The following TYW1 variants were observed in gnomAD, a reference collection of about 807,000 sequenced individuals.
TYW1 encodes S-adenosyl-L-methionine-dependent tRNA 4-demethylwyosine synthase TYW1.
Under a neutral mutation model 96.2 loss-of-function variants are expected in TYW1, and 46 were observed. That is an observed-to-expected ratio of 0.48 (90% CI 0.38 to 0.61). The LOEUF (loss-of-function observed/expected upper bound fraction) is 0.61, where lower values mean the gene tolerates loss of function less well. TYW1 is among the 20% of genes least tolerant of loss of function. The pLI is 0.00. For synonymous variants in TYW1, 274 were observed against 323.0 expected (o/e 0.85, Z 1.63); for missense variants, 684 against 909.6 (o/e 0.75, Z 3.19).
chr7:67,049,836 C>T (rs766431550), intron 7 of TYW1, 113 bp from the exon 8 acceptor site: 54 of 1,326,710 alleles, frequency 4.1e-5, no homozygotes, highest in Middle Eastern at 1.9e-4. Context: ...CGTGAGCCAC[C>T]GTGCCCGGCC....
At chr7:67,156,446 A>G (rs552211407) in intron 13 of TYW1, among the ~76,000 whole-genome samples, 1 of 152,352 alleles carries the variant, frequency 6.6e-6, no homozygotes, top group African/African-American at 2.4e-5. Flanking sequence ...GTGCAGGTAC[A>G]TTGGCAGCCC....
intron 13 of TYW1, among the ~76,000 whole-genome samples, chr7:67,175,545 T>C (rs1799646159): frequency 1.3e-5 from 2 of 152,142 alleles, no homozygotes; most frequent in Non-Finnish European, 2.9e-5. Context: ...TAGAAGCAAA[T>C]ATTTTAAAGA....
At chr7:67,227,552 C>T (rs551619186) in intron 15 of TYW1, among the ~76,000 whole-genome samples, 113 of 152,238 alleles carry the variant, frequency 7.4e-4, no homozygotes, top group African/African-American at 2.5e-3. Context: ...CCACCAAACC[C>T]GGCCCCCACA....
intron 13 of TYW1, among the ~76,000 whole-genome samples, chr7:67,180,725 CT>C (rs1388672641): frequency 6.6e-6 from 1 of 152,054 alleles, no homozygotes; most frequent in African/African-American, 2.4e-5. Flanking sequence ...CCATTGCAAC[CT>C]CTGCCTCCCG....
chr7:67,022,085 T>A (rs186712858), intron 6 of TYW1, among the ~76,000 whole-genome samples: 1,873 of 151,802 alleles, frequency 0.012, 22 homozygotes, highest in Non-Finnish European at 0.02. Context: ...TAAGTTTTTT[T>A]AATTTTTTGT....
At chr7:67,205,723 G>A (rs937313205) in intron 15 of TYW1, among the ~76,000 whole-genome samples, 2 of 152,090 alleles carry the variant, frequency 1.3e-5, no homozygotes, top group African/African-American at 2.4e-5. Flanking sequence ...GTTGGTTATT[G>A]TCTAAAAATT....
intron 4 of TYW1, among the ~76,000 whole-genome samples, chr7:67,013,935 A>G (rs566605657): frequency 0.018 from 2,804 of 151,590 alleles, 36 homozygotes; most frequent in Non-Finnish European, 0.03. Flanking sequence ...AGTAGAGACG[A>G]GGTTTCACCG....
chr7:67,188,851 G>T (rs1018998833), intron 14 of TYW1, among the ~76,000 whole-genome samples: 1 of 152,116 alleles, frequency 6.6e-6, no homozygotes, highest in Non-Finnish European at 1.5e-5. Flanking sequence ...TGCAGATGCA[G>T]ACACAATGCT....
intron 15 of TYW1, among the ~76,000 whole-genome samples, chr7:67,221,199 G>C (rs1302305066): frequency 6.6e-6 from 1 of 152,144 alleles, no homozygotes. Context: ...GTTTATAATA[G>C]TTATATGTTC....
In TYW1 at chr7:66,996,900, C is replaced by T; in HGVS notation, c.-79C>T. 1.2e-6 allele frequency: 2 copies of T among 1,608,070 alleles called. No homozygotes were observed. Among genetic ancestry groups the T allele is most frequent in the South Asian group, 2.2e-5 (2 of 90,156 alleles). On this transcript the variant is annotated 5_prime_UTR_variant, in exon 1 of 16. Coordinates refer to ENST00000359626, the MANE Select transcript of TYW1 (RefSeq NM_018264.4). ...ACGCCGCTAACGCGGCGAGGTAGCT[C>T]GGTGCGTCTCGCGGTACCAGTGCGA...
intron 12 of TYW1, among the ~76,000 whole-genome samples, chr7:67,102,507 AG>A (rs1797115426): frequency 6.6e-6 from 1 of 152,304 alleles, no homozygotes; most frequent in African/African-American, 2.4e-5. Flanking sequence ...GACAAAAAGG[AG>A]GAAGTAAGGT....
chr7:67,010,771 G>A (rs1226077822), intron 4 of TYW1, among the ~76,000 whole-genome samples: 2 of 152,002 alleles, frequency 1.3e-5, no homozygotes, highest in African/African-American at 2.4e-5. Flanking sequence ...CACCGCGCCT[G>A]GCCAAAAGAT....
intron 8 of TYW1, 65 bp from the exon 9 acceptor site, chr7:67,055,770 A>C (rs1354712835): frequency 3.6e-6 from 5 of 1,390,150 alleles, no homozygotes; most frequent in African/African-American, 1.4e-5. Flanking sequence ...GCTAAATTTT[A>C]AAGTCACTTT....
intron 9 of TYW1, among the ~76,000 whole-genome samples, chr7:67,065,682 T>G (rs1197174876): frequency 6.6e-6 from 1 of 152,034 alleles, no homozygotes; most frequent in Non-Finnish European, 1.5e-5. Context: ...TTAAAAGGCT[T>G]CATGGTCAAC....
chr7:67,025,072 A>G (rs779239179), intron 7 of TYW1, 50 bp downstream of exon 7: 2 of 1,609,038 alleles, frequency 1.2e-6, no homozygotes, highest in Non-Finnish European at 1.7e-6. Flanking sequence ...GTTGGTTAAC[A>G]TTTAGTATTT....
At chr7:67,155,098 A>T (rs1021726152) in intron 13 of TYW1, among the ~76,000 whole-genome samples, 60 of 152,116 alleles carry the variant, frequency 3.9e-4, no homozygotes, top group Admixed American at 2.0e-4. Context: ...CCCCAAGATC[A>T]TTATTTTGAA....
intron 13 of TYW1, among the ~76,000 whole-genome samples, chr7:67,181,558 A>C: frequency 6.6e-6 from 1 of 152,174 alleles, no homozygotes; most frequent in Admixed American, 6.5e-5. Context: ...GGAAGTTTTC[A>C]AACATAGACT....
intron 13 of TYW1, among the ~76,000 whole-genome samples, chr7:67,145,004 C>T (rs1276328306): frequency 6.7e-6 from 1 of 150,238 alleles, no homozygotes; most frequent in Non-Finnish European, 1.5e-5. Context: ...CTTGCTGGTG[C>T]TGGCACTGAG....
intron 6 of TYW1, among the ~76,000 whole-genome samples, chr7:67,024,349 T>G (rs1250779391): frequency 6.6e-6 from 1 of 152,050 alleles, no homozygotes; most frequent in East Asian, 1.9e-4. Flanking sequence ...CATTTTTTTG[T>G]AGCAATGTGG....
Sources: gnomAD v4.1 joint callset for allele counts (sites outside exome capture counted in the v4.1 genomes callset) on GRCh38, gnomAD v4.1.1 for gene constraint, MANE v1.5 for transcripts, NCBI Gene and HGNC (gene_info 2026-07-23, HGNC 2026-07-21) for gene names.